Variants in FER1L6 observed in about 807,000 individuals in gnomAD.
The protein encoded by FER1L6 is fer-1-like protein 6.
A neutral mutation model predicts 219.2 loss-of-function variants in FER1L6; 177 were observed. The observed-to-expected ratio is 0.81, with a 90% CI of 0.71 to 0.91. The LOEUF is 0.91. FER1L6 is among the 40% of genes least tolerant of loss of function. The pLI is 0.00. For missense variants in FER1L6, 2,153 were observed against 2,259.9 expected, an observed-to-expected ratio of 0.95 and a Z score of 0.96; for synonymous variants, 768 against 824.3, an observed-to-expected ratio of 0.93 and a Z score of 1.17.
At chr8:123,881,640 G>C (rs1339470479) in intron 1 of FER1L6, among the ~76,000 whole-genome samples, 1 of 152,164 alleles carries the variant, frequency 6.6e-6, no homozygotes, top group Non-Finnish European at 1.5e-5. Flanking sequence ...GAAATTAAAA[G>C]GGTAAAGCTT....
intron 33 of FER1L6, among the ~76,000 whole-genome samples, chr8:124,087,124 T>G (rs1038736140): frequency 1.3e-5 from 2 of 152,150 alleles, no homozygotes; most frequent in Admixed American, 1.3e-4. Flanking sequence ...TATTGATATC[T>G]TTCTCTTGGT....
chr8:124,079,856 C>G (rs1821462706), intron 32 of FER1L6, among the ~76,000 whole-genome samples: 1 of 152,076 alleles, frequency 6.6e-6, no homozygotes. Context: ...GGGAGAATTC[C>G]CATCTGCATT....
chr8:123,974,142 T>C (rs1212103546), intron 7 of FER1L6, among the ~76,000 whole-genome samples: 1 of 152,188 alleles, frequency 6.6e-6, no homozygotes, highest in East Asian at 1.9e-4. Flanking sequence ...CAGATCTTTT[T>C]ATGAAAGGCC....
intron 34 of FER1L6, among the ~76,000 whole-genome samples, chr8:124,092,082 C>T (rs1030974201): frequency 8.6e-5 from 13 of 152,004 alleles, no homozygotes; most frequent in Non-Finnish European, 1.0e-4. Flanking sequence ...ATGCTGCTTG[C>T]TGGCATATTT....
intron 1 of FER1L6, among the ~76,000 whole-genome samples, chr8:123,914,132 A>C (rs553956394): frequency 6.6e-6 from 1 of 152,372 alleles, no homozygotes; most frequent in South Asian, 2.1e-4. Flanking sequence ...GCCACATTTC[A>C]AATGTTCAGT....
At chr8:124,112,721 T>TA in intron 39 of FER1L6, among the ~76,000 whole-genome samples, 1 of 152,192 alleles carries the variant, frequency 6.6e-6, no homozygotes, top group Admixed American at 6.5e-5. Flanking sequence ...TACTTATATG[T>TA]TATGTTCTAA....
chr8:123,923,345 C>G (rs1281556942), intron 1 of FER1L6, among the ~76,000 whole-genome samples: 2 of 152,200 alleles, frequency 1.3e-5, no homozygotes, highest in Non-Finnish European at 2.9e-5. Context: ...CAATGCACGG[C>G]CATTGGCTTT....
chr8:123,929,109 G>A (rs561037973), intron 1 of FER1L6, among the ~76,000 whole-genome samples: 5 of 152,246 alleles, frequency 3.3e-5, no homozygotes, highest in South Asian at 2.1e-4. Flanking sequence ...GAATGTTCCC[G>A]GTTCTTGGCT....
chr8:123,955,644 G>T (rs1465464760), intron 1 of FER1L6, among the ~76,000 whole-genome samples: 2 of 152,248 alleles, frequency 1.3e-5, no homozygotes, highest in Non-Finnish European at 2.9e-5. Flanking sequence ...GAGGGTTGCT[G>T]TGGTGATAAA....
At chr8:123,895,046 CAT>C (rs1812721764) in intron 1 of FER1L6, among the ~76,000 whole-genome samples, 1 of 152,126 alleles carries the variant, frequency 6.6e-6, no homozygotes, top group Admixed American at 6.5e-5. Context: ...CCAAAGTAAA[CAT>C]AGTAATAAGG....
At chr8:123,916,949 G>A (rs1053082019) in intron 1 of FER1L6, among the ~76,000 whole-genome samples, 1 of 152,184 alleles carries the variant, frequency 6.6e-6, no homozygotes, top group African/African-American at 2.4e-5. Context: ...AAGTGTGTCT[G>A]TCAGTGATGC....
chr8:124,060,168 C>A lies in FER1L6; in HGVS notation c.2875-12C>A. ...TCTCCAGCATCTAACTCATACTTGC[C>A]TTGTGCGGTAGGTTCCTCCTTCTGG... On this transcript the variant is annotated splice_polypyrimidine_tract_variant and intron_variant, in intron 22 of 40. Transcript: ENST00000522917. 1.2e-6 allele frequency: 2 copies of A among 1,606,746 alleles called. No homozygotes were observed. The highest frequency in any genetic ancestry group is 1.7e-6 in the Non-Finnish European group (2 of 1,173,342).
intron 9 of FER1L6, among the ~76,000 whole-genome samples, chr8:123,976,511 A>T (rs961258972): frequency 3.4e-5 from 5 of 146,106 alleles, no homozygotes; most frequent in African/African-American, 9.9e-5. Flanking sequence ...TCTGTCTTTA[A>T]AAAAAAAAAA....
At chr8:123,976,254 C>G (rs188396639) in intron 9 of FER1L6, among the ~76,000 whole-genome samples, 170 bp downstream of exon 9, 1 of 152,306 alleles carries the variant, frequency 6.6e-6, no homozygotes, top group East Asian at 1.9e-4. Flanking sequence ...GTAATCCCAG[C>G]ACTTTGGCAG....
intron 1 of FER1L6, among the ~76,000 whole-genome samples, chr8:123,898,781 G>GTATATACGTATATACA (rs201509499): frequency 2.9e-5 from 4 of 135,848 alleles, no homozygotes; most frequent in Non-Finnish European, 6.1e-5. Flanking sequence ...GTATATATAC[G>GTATATACGTATATACA]TATGTACATA....
chr8:123,934,604 A>T (rs1333934593), intron 1 of FER1L6, among the ~76,000 whole-genome samples: 1 of 151,560 alleles, frequency 6.6e-6, no homozygotes, highest in East Asian at 1.9e-4. Context: ...GGCATGTGCT[A>T]TCAATTGGCT....
intron 1 of FER1L6, among the ~76,000 whole-genome samples, chr8:123,936,471 T>G (rs1258283021): frequency 1.4e-3 from 181 of 127,078 alleles, no homozygotes; most frequent in African/African-American, 4.5e-3. Context: ...TGTTTTTTTT[T>G]TTTTTTTTTT....
chr8:124,096,831 C>G lies in FER1L6; in HGVS notation c.4696-440C>G, dbSNP rs554204777. On this transcript the variant is annotated intron_variant, in intron 35 of 40. Coordinates refer to ENST00000522917, the MANE Select transcript of FER1L6 (RefSeq NM_001039112.2). ...TAGGAGTTTGCAGAAAGAGCAAGGT[C>G]TCTGGGGTCAACACAAGGGTTGAAT... Among the ~76,000 whole-genome samples the G allele has an allele frequency of 1.2e-3, 186 of 152,232 alleles. 1 individual carries two copies. The highest frequency in any genetic ancestry group is 4.2e-3 in the African/African-American group (174 of 41,544).
chr8:123,994,401 AAG>A (rs1213893946), intron 12 of FER1L6, among the ~76,000 whole-genome samples: 2 of 152,194 alleles, frequency 1.3e-5, no homozygotes, highest in African/African-American at 4.8e-5. Context: ...TGCTTCAAGA[AAG>A]AGCACAGCTG....
Sources: gnomAD v4.1 joint callset for allele counts (sites outside exome capture counted in the v4.1 genomes callset) on GRCh38, gnomAD v4.1.1 for gene constraint, MANE v1.5 for transcripts, NCBI Gene and HGNC (gene_info 2026-07-23, HGNC 2026-07-21) for gene names.